KHDRBS2: variants seen among roughly 807,000 people sequenced by gnomAD.
KHDRBS2 encodes KH domain-containing, RNA-binding, signal transduction-associated protein 2.
In KHDRBS2, 26 loss-of-function variants were observed where a neutral mutation model predicts 44.3. The ratio of observed to expected loss-of-function variants is 0.59; its 90% CI spans 0.43 to 0.81. The LOEUF (loss-of-function observed/expected upper bound fraction) is 0.81. Among genes scored for constraint, KHDRBS2 ranks in the 40% least tolerant of loss-of-function variants. The pLI, the probability that KHDRBS2 is intolerant of heterozygous loss-of-function variation, is 0.00. For synonymous variants in KHDRBS2, 194 were observed against 151.1 expected, an observed-to-expected ratio of 1.28 and a Z score of -2.08; for missense variants, 476 against 433.1, an observed-to-expected ratio of 1.10 and a Z score of -0.88.
intron 2 of KHDRBS2, among the ~76,000 whole-genome samples, chr6:62,117,429 C>T (rs1408354380): frequency 6.6e-6 from 1 of 152,064 alleles, no homozygotes; most frequent in Non-Finnish European, 1.5e-5. Flanking sequence ...TCAATCATTT[C>T]AAATTTTTAA....
chr6:62,167,887 T>C (rs1819043052), intron 2 of KHDRBS2, among the ~76,000 whole-genome samples: 1 of 152,174 alleles, frequency 6.6e-6, no homozygotes, highest in Non-Finnish European at 1.5e-5. Context: ...GAACTATTCT[T>C]AAATGATCTG....
downstream of KHDRBS2, among the ~76,000 whole-genome samples, chr6:61,678,002 C>A (rs1263053356): frequency 6.6e-6 from 1 of 151,830 alleles, no homozygotes. Flanking sequence ...TTAAAGTTAA[C>A]ATATATTATG....
intron 6 of KHDRBS2, among the ~76,000 whole-genome samples, chr6:61,736,873 ATATAC>A (rs1320638703): frequency 6.6e-6 from 1 of 152,052 alleles, no homozygotes; most frequent in African/African-American, 2.4e-5. Context: ...ATACCTAAAC[ATATAC>A]TATATTTCTT....
At chr6:61,925,984 A>G (rs907992297) in intron 4 of KHDRBS2, among the ~76,000 whole-genome samples, 5 of 152,180 alleles carry the variant, frequency 3.3e-5, no homozygotes, top group Non-Finnish European at 5.9e-5. Flanking sequence ...TTGACATTTT[A>G]ATAATGAGGA....
the KHDRBS2 span, among the ~76,000 whole-genome samples, chr6:61,666,212 C>A: frequency 6.6e-6 from 1 of 151,328 alleles, no homozygotes; most frequent in Non-Finnish European, 1.5e-5. Context: ...CTTCACATTT[C>A]TAAAAACATA....
At chr6:61,755,380 C>T (rs1040236600) in intron 6 of KHDRBS2, among the ~76,000 whole-genome samples, 2 of 152,016 alleles carry the variant, frequency 1.3e-5, no homozygotes, top group African/African-American at 4.8e-5. Context: ...TAGTCCTGGA[C>T]TATGAAGGAA....
chr6:62,238,105 G>A (rs763339028), intron 1 of KHDRBS2, among the ~76,000 whole-genome samples: 11 of 151,322 alleles, frequency 7.3e-5, no homozygotes, highest in South Asian at 2.1e-4. Context: ...CAAAGATAGC[G>A]CTTAAAAATT....
chr6:62,268,526 T>G (rs1025707421), intron 1 of KHDRBS2, among the ~76,000 whole-genome samples: 1 of 152,026 alleles, frequency 6.6e-6, no homozygotes, highest in Non-Finnish European at 1.5e-5. Flanking sequence ...AGGTCTCAGT[T>G]GTTAGTCTAC....
the KHDRBS2 span, among the ~76,000 whole-genome samples, chr6:61,584,111 T>C: frequency 6.6e-6 from 1 of 151,746 alleles, no homozygotes; most frequent in African/African-American, 2.4e-5. Flanking sequence ...CTCATAGATG[T>C]CCTTAGAACT....
intron 3 of KHDRBS2, among the ~76,000 whole-genome samples, chr6:62,013,409 G>A (rs1422722650): frequency 6.6e-6 from 1 of 151,912 alleles, no homozygotes; most frequent in African/African-American, 2.4e-5. Flanking sequence ...ACTGATATAA[G>A]TTGATCAAAC....
intron 1 of KHDRBS2, among the ~76,000 whole-genome samples, chr6:62,207,521 C>T (rs1378599395): frequency 1.3e-5 from 2 of 151,960 alleles, no homozygotes; most frequent in Non-Finnish European, 2.9e-5. Flanking sequence ...TTACAAACTG[C>T]CTAAAGCCAA....
intron 6 of KHDRBS2, among the ~76,000 whole-genome samples, chr6:61,770,153 C>T (rs139193453): frequency 0.18 from 27,977 of 152,126 alleles, 2,700 homozygotes; most frequent in African/African-American, 0.2. Flanking sequence ...AACTAACAAA[C>T]AGAAAGGACA....
intron 6 of KHDRBS2, among the ~76,000 whole-genome samples, chr6:61,839,853 G>A (rs1354823030): frequency 1.3e-5 from 2 of 151,908 alleles, no homozygotes; most frequent in Non-Finnish European, 2.9e-5. Context: ...GAAATATGAA[G>A]GAGAAAATAG....
chr6:61,903,335 T>G (rs774356683), intron 4 of KHDRBS2, among the ~76,000 whole-genome samples: 5 of 152,044 alleles, frequency 3.3e-5, no homozygotes, highest in Non-Finnish European at 7.4e-5. Context: ...TAGGAAGAGA[T>G]GGATTGTCAT....
At chr6:61,788,432 G>A (rs1193132283) in intron 6 of KHDRBS2, among the ~76,000 whole-genome samples, 1 of 151,374 alleles carries the variant, frequency 6.6e-6, no homozygotes, top group Non-Finnish European at 1.5e-5. Context: ...GGGTTCTAAT[G>A]TTGCTTTATT....
At chr6:62,029,516 ATAGC>A (rs1252072448) in intron 3 of KHDRBS2, among the ~76,000 whole-genome samples, 3 of 152,006 alleles carry the variant, frequency 2.0e-5, no homozygotes, top group African/African-American at 7.2e-5. Context: ...ATCAGGAAAC[ATAGC>A]TAGGTTTACG....
intron 6 of KHDRBS2, among the ~76,000 whole-genome samples, chr6:61,775,305 C>A (rs1781763723): frequency 6.6e-6 from 1 of 151,846 alleles, no homozygotes; most frequent in Non-Finnish European, 1.5e-5. Flanking sequence ...AATCAAGCAG[C>A]AGAAGGAAAT....
intron 6 of KHDRBS2, among the ~76,000 whole-genome samples, chr6:61,769,634 C>T (rs994136805): frequency 1.4e-4 from 20 of 146,364 alleles, no homozygotes; most frequent in Admixed American, 2.7e-4. Flanking sequence ...GCTGGGGGGG[C>T]GGCGCCCGCC....
chr6:61,693,984 C>T (rs1219106418), intron 8 of KHDRBS2, among the ~76,000 whole-genome samples: 1 of 152,144 alleles, frequency 6.6e-6, no homozygotes, highest in Non-Finnish European at 1.5e-5. Context: ...AAATAGAAAT[C>T]TCATCTCTTA....
Sources: allele counts gnomAD v4.1 joint callset (sites outside exome capture counted in the v4.1 genomes callset), GRCh38; gene constraint gnomAD v4.1.1; transcripts MANE v1.5; gene names NCBI Gene and HGNC (gene_info 2026-07-23, HGNC 2026-07-21).